Variants in ATP2C2 observed in about 807,000 individuals in gnomAD.
The protein encoded by ATP2C2 is ATPase secretory pathway Ca2+ transporting 2.
In ATP2C2, 171 loss-of-function variants were observed where a neutral mutation model predicts 110.8. The observed-to-expected ratio is 1.54, with a 90% confidence interval of 1.36 to 1.75. ATP2C2 has a LOEUF of 1.75. Among genes scored for constraint, ATP2C2 ranks in the 40% most tolerant of loss-of-function variants. ATP2C2 has a pLI of 0.00. For missense variants in ATP2C2, 1,963 were observed against 1,235.0 expected, an observed-to-expected ratio of 1.59 and a Z score of -8.84; for synonymous variants, 804 against 508.4, an observed-to-expected ratio of 1.58 and a Z score of -7.82.
At chr16:84,420,401 C>T (rs1352469248) in intron 7 of ATP2C2, among the ~76,000 whole-genome samples, 1 of 151,954 alleles carries the variant, frequency 6.6e-6, no homozygotes, top group Non-Finnish European at 1.5e-5. Flanking sequence ...CAAACGCCTT[C>T]TCCTCCTTCC....
At chr16:84,404,055 C>A (rs931871728) in intron 2 of ATP2C2, among the ~76,000 whole-genome samples, 2 of 152,166 alleles carry the variant, frequency 1.3e-5, no homozygotes, top group Non-Finnish European at 2.9e-5. Context: ...GGGGAAGGGG[C>A]GCAGGGCTTC....
chr16:84,444,464 C>G (rs142980830), intron 15 of ATP2C2, among the ~76,000 whole-genome samples: 1 of 152,322 alleles, frequency 6.6e-6, no homozygotes, highest in South Asian at 2.1e-4. Flanking sequence ...CAGAGCAAGA[C>G]TCCGTCTCAA....
At chr16:84,423,055 A>C (rs752430512) in intron 9 of ATP2C2, 133 bp from the exon 10 acceptor site, 23 of 725,054 alleles carry the variant, frequency 3.2e-5, no homozygotes, top group African/African-American at 5.3e-5. Flanking sequence ...GCAAAAGTCA[A>C]TGAATGTTGA....
intron 11 of ATP2C2, among the ~76,000 whole-genome samples, chr16:84,433,683 A>AACAC (rs71994851): frequency 3.3e-5 from 5 of 150,614 alleles, no homozygotes; most frequent in East Asian, 2.0e-4. Flanking sequence ...ACAACAACAA[A>AACAC]ACACACACAC....
chr16:84,460,904 C>T (rs978149074), intron 24 of ATP2C2, 103 bp downstream of exon 24: 8 of 1,413,570 alleles, frequency 5.7e-6, no homozygotes, highest in East Asian at 2.3e-5. Flanking sequence ...CTGGGAGAGG[C>T]AAACATGTAC....
chr16:84,406,080 C>T (rs1386346304), intron 3 of ATP2C2, among the ~76,000 whole-genome samples: 1 of 152,206 alleles, frequency 6.6e-6, no homozygotes, highest in African/African-American at 2.4e-5. Flanking sequence ...GTAACCTGAG[C>T]CCAAAGTCAC....
At chr16:84,418,731 C>G (rs1469716578) in intron 7 of ATP2C2, among the ~76,000 whole-genome samples, 5 of 152,198 alleles carry the variant, frequency 3.3e-5, no homozygotes, top group Non-Finnish European at 7.3e-5. Context: ...TTCTCTCTCT[C>G]CCTGTGAGCA....
chr16:84,408,376 C>A (rs190215916), intron 3 of ATP2C2, 29 bp from the exon 4 acceptor site: 9 of 1,601,480 alleles, frequency 5.6e-6, no homozygotes, highest in Non-Finnish European at 6.8e-6. Context: ...GACTAAAGAA[C>A]GTGCCCCACC....
rs144698981 is a variant in ATP2C2, at chr16:84,459,279, C to T, written c.2226C>T (p.Ser742=). The part of the protein sequence containing the change: ...FVRFQLSTSI[S]ALSLITLSTV... ...TGCGTGTGCCCCGCAGGAGCATCTC[C>T]GCCCTGAGTCTCATCACTCTGTCCA... The change falls in exon 23 of 27, where the codon TCC becomes TCT. Residue 742 remains serine (S), a synonymous_variant. Transcript: ENST00000262429. 1,623 of 1,614,212 alleles carry T rather than the reference C, an allele frequency of 1.0e-3. 2 individuals carry two copies. The highest frequency in any genetic ancestry group is 6.7e-3 in the East Asian group (299 of 44,888).
chr16:84,380,113 A>G (rs938886223), intron 1 of ATP2C2, among the ~76,000 whole-genome samples: 2 of 152,180 alleles, frequency 1.3e-5, no homozygotes, highest in African/African-American at 4.8e-5. Context: ...TTCAGGAAAG[A>G]TAAGCTGGCC....
In ATP2C2 at chr16:84,384,807, T is replaced by C. The variant is rs548546211; in HGVS notation, c.100-13692T>C. Among the ~76,000 whole-genome samples the C allele has an allele frequency of 7.2e-5, 11 of 152,326 alleles. No individual in the cohort carries two copies. The South Asian group carries it at 2.3e-3, about 32-fold the overall frequency. ...GCTCATGCCTGTAATCCCAGCACTTTGGAAGGCCAAGGTGGGTGGATCACT... is the reference window on the plus strand; with the variant it reads ...GCTCATGCCTGTAATCCCAGCACTTCGGAAGGCCAAGGTGGGTGGATCACT... On this transcript the variant is annotated intron_variant, in intron 1 of 26. Coordinates refer to ENST00000262429, the MANE Select transcript of ATP2C2 (RefSeq NM_014861.4).
intron 2 of ATP2C2, 79 bp from the exon 3 acceptor site, chr16:84,405,049 T>G (rs756298808): frequency 8.2e-7 from 1 of 1,212,950 alleles, no homozygotes; most frequent in African/African-American, 1.5e-5. Flanking sequence ...CCGCTGCCTT[T>G]CAGAGTGGGA....
Position 84,458,929 on chromosome 16 carries a change from C to T in ATP2C2, c.2148-191C>T, listed in dbSNP as rs538809310. 2.0e-5 allele frequency among the ~76,000 whole-genome samples: 3 copies of T among 152,212 alleles called. 1 individual carries two copies. The highest frequency in any genetic ancestry group is 4.2e-4 in the South Asian group (2 of 4,808). On this transcript the variant is annotated intron_variant, in intron 21 of 26. Transcript: ENST00000262429. ...GGCTCAAGGATCAGTTCCCAGTGGC[C>T]GAGGGGCACCTGTTAGAACACCACC...
At chr16:84,459,608 T>G in intron 23 of ATP2C2, 2 of 1,531,128 alleles carry the variant, frequency 1.3e-6, no homozygotes, top group Non-Finnish European at 1.7e-6. Context: ...GATGGAACTT[T>G]CTGCTCCCTC....
intron 10 of ATP2C2, among the ~76,000 whole-genome samples, chr16:84,424,723 G>C (rs1567714659): frequency 6.6e-6 from 1 of 152,080 alleles, no homozygotes; most frequent in Non-Finnish European, 1.5e-5. Context: ...CTAGAGGAAA[G>C]TAGCATTTGC....
chr16:84,428,371 T>C (rs1907970964), intron 11 of ATP2C2, among the ~76,000 whole-genome samples: 1 of 152,224 alleles, frequency 6.6e-6, no homozygotes, highest in Non-Finnish European at 1.5e-5. Flanking sequence ...TGTGCATTAA[T>C]TGAGGGGCAG....
At chr16:84,415,618 G>C in intron 7 of ATP2C2, 27 bp downstream of exon 7, 1 of 1,574,252 alleles carries the variant, frequency 6.4e-7, no homozygotes, top group East Asian at 2.2e-5. Context: ...CCTTGTCAAT[G>C]GGGTATTTGA....
At chr16:84,447,413 C>A (rs1015575395) in intron 16 of ATP2C2, among the ~76,000 whole-genome samples, 2 of 151,268 alleles carry the variant, frequency 1.3e-5, no homozygotes, top group Admixed American at 1.3e-4. Flanking sequence ...TCTTTCATTC[C>A]ACCCTTCTTC....
At chr16:84,459,070 A>G (rs1413213623) in intron 21 of ATP2C2, 50 bp from the exon 22 acceptor site, 1 of 1,598,922 alleles carries the variant, frequency 6.3e-7, no homozygotes, top group African/African-American at 1.3e-5. Context: ...GCACTGGTCC[A>G]GCCCTCACGC....
Sources: allele counts gnomAD v4.1 joint callset (sites outside exome capture counted in the v4.1 genomes callset), GRCh38; gene constraint gnomAD v4.1.1; transcripts MANE v1.5; gene names NCBI Gene and HGNC (gene_info 2026-07-23, HGNC 2026-07-21).